ZSCAN5A: variants seen among roughly 807,000 people sequenced by gnomAD.
ZSCAN5A encodes zinc finger and SCAN domain containing 5A.
Under a neutral mutation model 23.7 loss-of-function variants are expected in ZSCAN5A, and 12 were observed. The observed-to-expected ratio is 0.51, with a 90% CI of 0.32 to 0.82. The LOEUF is 0.82. ZSCAN5A is among the 40% of genes least tolerant of loss of function. The probability of loss-of-function intolerance (pLI) is 0.03; values close to 1 mark genes in which losing one functional copy is unlikely to be tolerated. For missense variants in ZSCAN5A, 597 were observed against 617.9 expected (o/e 0.97, Z 0.36); for synonymous variants, 257 against 239.9 (o/e 1.07, Z -0.66).
chr19:56,304,864 C>T (rs1237021427), intron 2 of ZSCAN5A: 13 of 930,002 alleles, frequency 1.4e-5, no homozygotes, highest in East Asian at 1.2e-4. Flanking sequence ...CTTTTCCCAC[C>T]GCTGGGGTGG....
At chr19:56,300,652 T>C (rs750764008) in intron 2 of ZSCAN5A, among the ~76,000 whole-genome samples, 2 of 152,224 alleles carry the variant, frequency 1.3e-5, no homozygotes, top group Non-Finnish European at 2.9e-5. Context: ...CTAAAGTAAA[T>C]GCTCTAAGCA....
chr19:56,238,218 C>G (rs958578068), intron 2 of ZSCAN5A, among the ~76,000 whole-genome samples: 2 of 151,758 alleles, frequency 1.3e-5, no homozygotes, highest in Non-Finnish European at 2.9e-5. Context: ...GGCATATGCT[C>G]TTAGTCCCCA....
chr19:56,256,899 G>C (rs1316987480), intron 2 of ZSCAN5A, among the ~76,000 whole-genome samples: 1 of 151,882 alleles, frequency 6.6e-6, no homozygotes, highest in East Asian at 1.9e-4. Context: ...TGCAGATAGT[G>C]GTGAAAAAAA....
chr19:56,325,508 C>T (rs1252766444), intron 2 of ZSCAN5A, among the ~76,000 whole-genome samples: 1 of 152,170 alleles, frequency 6.6e-6, no homozygotes, highest in African/African-American at 2.4e-5. Context: ...TTGCTAGGTT[C>T]CCTTCTTGTG....
chr19:56,242,014 T>C (rs2035463515), intron 2 of ZSCAN5A, among the ~76,000 whole-genome samples: 1 of 152,208 alleles, frequency 6.6e-6, no homozygotes, highest in African/African-American at 2.4e-5. Flanking sequence ...TTCACTGTTT[T>C]GGAGTCCACG....
chr19:56,276,374 AAG>A (rs2038253874), intron 2 of ZSCAN5A, among the ~76,000 whole-genome samples: 2 of 152,166 alleles, frequency 1.3e-5, no homozygotes, highest in Non-Finnish European at 2.9e-5. Context: ...TTTATCAGGG[AAG>A]AGAGACTTCG....
chr19:56,326,987 C>G (rs1274162780), intron 2 of ZSCAN5A, among the ~76,000 whole-genome samples: 3 of 152,088 alleles, frequency 2.0e-5, no homozygotes, highest in Non-Finnish European at 4.4e-5. Context: ...CTACAATGCC[C>G]TTCACGAGTT....
intron 2 of ZSCAN5A, among the ~76,000 whole-genome samples, chr19:56,258,628 G>C (rs1175084703): frequency 6.6e-6 from 1 of 151,842 alleles, no homozygotes; most frequent in Non-Finnish European, 1.5e-5. Context: ...CACGCCTTCC[G>C]GTGTAGGGGG....
At chr19:56,226,566 G>T (rs977541082) in intron 2 of ZSCAN5A, among the ~76,000 whole-genome samples, 1 of 152,150 alleles carries the variant, frequency 6.6e-6, no homozygotes, top group African/African-American at 2.4e-5. Context: ...CACATGGAAC[G>T]AGTGTTGGTG....
At chr19:56,239,730 C>T (rs73934791) in intron 2 of ZSCAN5A, among the ~76,000 whole-genome samples, 2,756 of 152,294 alleles carry the variant, frequency 0.018, 84 homozygotes, top group African/African-American at 0.063. Context: ...TTTCAATATA[C>T]TGACATTAAT....
chr19:56,296,800 G>A lies in ZSCAN5A; in HGVS notation c.-128+16483C>T, dbSNP rs950993791. Among the ~76,000 whole-genome samples, 53 of 152,268 alleles carry A rather than the reference G, an allele frequency of 3.5e-4. 1 individual carries two copies. In the Middle Eastern group the frequency reaches 0.024, roughly 68 times the overall value. ...TGTAATCCCAGCACTTTGGGAGGCCGACGTGGGTGGATCACCTGAGGTCAG... is the reference window on the plus strand; with the variant it reads ...TGTAATCCCAGCACTTTGGGAGGCCAACGTGGGTGGATCACCTGAGGTCAG... On this transcript the variant is annotated intron_variant, in intron 2 of 5. Coordinates refer to ENST00000683990, the MANE Select transcript of ZSCAN5A (RefSeq NM_001322064.3).
In ZSCAN5A at chr19:56,362,607, C is replaced by T. The variant is rs990052493; in HGVS notation, c.-358+628G>A. 3.9e-5 allele frequency among the ~76,000 whole-genome samples: 6 copies of T among 151,988 alleles called. No homozygotes were observed. In the East Asian group the frequency reaches 7.7e-4, roughly 20 times the overall value. On this transcript the variant is annotated intron_variant, in intron 2 of 6. Coordinates refer to the ZSCAN5A transcript ENST00000587340. ...AAAGATGGCCGGACGCGGTGGCTCA[C>T]GCCTGTAATCCTAGCACTTTGGGAG...
intron 2 of ZSCAN5A, among the ~76,000 whole-genome samples, chr19:56,335,954 C>T (rs2041531676): frequency 6.6e-6 from 1 of 152,190 alleles, no homozygotes; most frequent in Non-Finnish European, 1.5e-5. Flanking sequence ...CGAGAGATCG[C>T]TGTTAGTCTG....
At position 56,221,435 on chromosome 19, in the gene ZSCAN5A, A is replaced by C; in HGVS notation, c.*140T>G. On this transcript the variant is annotated 3_prime_UTR_variant, in exon 6 of 6. Transcript: ENST00000683990. ...CAGTGGGGAGGACACATATTTACTCAAACATCCTGGCAATTCATATCTAGG... is the reference window on the plus strand; with the variant it reads ...CAGTGGGGAGGACACATATTTACTCCAACATCCTGGCAATTCATATCTAGG... 9.7e-7 allele frequency: 1 copy of C among 1,034,252 alleles called. No individual in the cohort carries two copies. The highest frequency in any genetic ancestry group is 1.9e-5 in the South Asian group (1 of 52,332). 64.1% of individuals were successfully genotyped at this position (1,034,252 alleles called of 1,614,324 possible).
Position 56,222,033 on chromosome 19 carries a change from G to C in ZSCAN5A, c.1033C>G (p.Pro345Ala), listed in dbSNP as rs754602114. Residue 345 changes from proline to alanine, a missense_variant, in exon 6 of 6, where the codon CCG (proline) becomes GCG (alanine). Coordinates refer to ENST00000683990, the MANE Select transcript of ZSCAN5A (RefSeq NM_001322064.3). ...AGTGCCTTGGCTTCTTGGCCATCCG[G>C]GTGACTGACTGGGCTCGCAGGGCCT... ...SPGPASPVSH[P>A]DGQEAKALPP... The C allele has an allele frequency of 1.2e-6, 2 of 1,614,188 alleles. No homozygotes were observed. The highest frequency in any genetic ancestry group is 3.3e-5 in the Admixed American group (2 of 60,028).
chr19:56,222,931 A>T (rs1487211703), intron 4 of ZSCAN5A, among the ~76,000 whole-genome samples, 190 bp from the exon 5 acceptor site: 2 of 151,970 alleles, frequency 1.3e-5, no homozygotes, highest in African/African-American at 4.8e-5. Context: ...TCTGTCCCTA[A>T]TCTGCACCCT....
intron 2 of ZSCAN5A, among the ~76,000 whole-genome samples, chr19:56,309,573 G>C (rs969351676): frequency 2.0e-5 from 3 of 152,208 alleles, no homozygotes; most frequent in African/African-American, 7.2e-5. Context: ...TAGACTGTGA[G>C]CCCCTGTGGG....
chr19:56,247,091 G>A, intron 2 of ZSCAN5A: 1 of 714,722 alleles, frequency 1.4e-6, no homozygotes, highest in South Asian at 1.7e-5. Flanking sequence ...AGGTTTACGT[G>A]TAATTCCAAG....
chr19:56,234,465 G>A (rs2034711910), intron 2 of ZSCAN5A, among the ~76,000 whole-genome samples: 1 of 151,602 alleles, frequency 6.6e-6, no homozygotes, highest in Non-Finnish European at 1.5e-5. Context: ...CTCTCATATT[G>A]TTTTATATTG....
Sources: allele counts gnomAD v4.1 joint callset (sites outside exome capture counted in the v4.1 genomes callset), GRCh38; gene constraint gnomAD v4.1.1; transcripts MANE v1.5; gene names NCBI Gene and HGNC (gene_info 2026-07-23, HGNC 2026-07-21).